Variants in GLRA2 observed in about 807,000 individuals in gnomAD.
The protein encoded by GLRA2 is glycine receptor subunit alpha-2.
A neutral mutation model predicts 31.6 loss-of-function variants in GLRA2; 11 were observed. That is an observed-to-expected ratio of 0.35 (90% CI 0.22 to 0.58). GLRA2 has a LOEUF of 0.58. Among genes scored for constraint, GLRA2 ranks in the 20% least tolerant of loss-of-function variants. The probability of loss-of-function intolerance (pLI) is 0.84; values close to 1 mark genes in which losing one functional copy is unlikely to be tolerated. For missense variants in GLRA2, 212 were observed against 351.8 expected, an observed-to-expected ratio of 0.60 and a Z score of 3.18; for synonymous variants, 132 against 134.0, an observed-to-expected ratio of 0.99 and a Z score of 0.10.
the GLRA2 span, among the ~76,000 whole-genome samples, chrX:14,476,332 G>A: frequency 1.8e-5 from 2 of 111,895 alleles, no homozygotes; most frequent in East Asian, 5.6e-4. Flanking sequence ...CTCAGACTTA[G>A]CTTGCATTGT....
chrX:14,697,868 A>G (rs754057900), intron 8 of GLRA2, among the ~76,000 whole-genome samples: 28 of 112,153 alleles, frequency 2.5e-4, no homozygotes, highest in African/African-American at 8.7e-4. Flanking sequence ...TTTTTGTATG[A>G]TATAAATCCG....
chrX:14,492,398 G>A, the GLRA2 span, among the ~76,000 whole-genome samples: 8 of 111,101 alleles, frequency 7.2e-5, no homozygotes, highest in Non-Finnish European at 1.3e-4. Flanking sequence ...AGAACTTCTG[G>A]CTGACATGAA....
intron 2 of GLRA2, among the ~76,000 whole-genome samples, chrX:14,562,245 A>G (rs1470561863): frequency 1.8e-5 from 2 of 112,380 alleles, no homozygotes; most frequent in South Asian, 3.7e-4. Flanking sequence ...AAAACAGTCA[A>G]AAGTTTACAG....
At chrX:14,513,978 G>A in the GLRA2 span, among the ~76,000 whole-genome samples, 1 of 112,243 alleles carries the variant, frequency 8.9e-6, no homozygotes, top group Non-Finnish European at 1.9e-5. Flanking sequence ...CATGTTTATA[G>A]CAGCACAATT....
At chrX:14,629,689 G>A (rs750143818) in intron 7 of GLRA2, among the ~76,000 whole-genome samples, 17 of 111,316 alleles carry the variant, frequency 1.5e-4, no homozygotes, top group African/African-American at 5.5e-4. Flanking sequence ...CCTTCTTTTG[G>A]ATATCGTATT....
intron 6 of GLRA2, among the ~76,000 whole-genome samples, chrX:14,608,528 A>G (rs945878021): frequency 2.7e-5 from 3 of 111,156 alleles, no homozygotes; most frequent in African/African-American, 6.5e-5. Flanking sequence ...GGCTTCAACT[A>G]TTACACAGTG....
At chrX:14,631,887 C>CATATGT (rs2090651367) in intron 7 of GLRA2, among the ~76,000 whole-genome samples, 1 of 855 alleles carries the variant, frequency 1.2e-3, no homozygotes, top group African/African-American at 4.0e-3. Context: ...TATAGACATA[C>CATATGT]ATATGTATAT....
At chrX:14,506,172 A>AT in the GLRA2 span, among the ~76,000 whole-genome samples, 1 of 111,188 alleles carries the variant, frequency 9.0e-6, no homozygotes, top group Non-Finnish European at 1.9e-5. Context: ...TGGGTAATGG[A>AT]TTTTTTCTTG....
At chrX:14,534,924 T>C (rs2089302652) in intron 2 of GLRA2, among the ~76,000 whole-genome samples, 1 of 111,006 alleles carries the variant, frequency 9.0e-6, no homozygotes, top group African/African-American at 3.3e-5. Context: ...AACACTATAA[T>C]ACTTACCATA....
At chrX:14,728,182 A>G (rs1489966087) in intron 8 of GLRA2, among the ~76,000 whole-genome samples, 1 of 111,030 alleles carries the variant, frequency 9.0e-6, no homozygotes, top group Non-Finnish European at 1.9e-5. Context: ...TGAGCCCAGG[A>G]GTTCAAGACC....
intron 7 of GLRA2, among the ~76,000 whole-genome samples, chrX:14,671,632 A>C (rs1175576855): frequency 8.9e-6 from 1 of 111,905 alleles, no homozygotes; most frequent in Non-Finnish European, 1.9e-5. Flanking sequence ...CCTTGCATGC[A>C]TGTCAAGAAA....
chrX:14,700,136 G>A (rs2091517880), intron 8 of GLRA2, among the ~76,000 whole-genome samples: 1 of 111,775 alleles, frequency 8.9e-6, no homozygotes, highest in African/African-American at 3.3e-5. Flanking sequence ...GAGAGATGGA[G>A]GTAGCGATGT....
At chrX:14,535,507 C>G (rs1252667580) in intron 2 of GLRA2, among the ~76,000 whole-genome samples, 1 of 112,305 alleles carries the variant, frequency 8.9e-6, no homozygotes, top group Non-Finnish European at 1.9e-5. Flanking sequence ...AATAGCTTTT[C>G]TGATGTGTTG....
At chrX:14,515,414 T>G in the GLRA2 span, among the ~76,000 whole-genome samples, 8 of 112,112 alleles carry the variant, frequency 7.1e-5, no homozygotes, top group Non-Finnish European at 3.8e-5. Flanking sequence ...CCAGTTTTTT[T>G]AAATCAATTT....
rs972143884 is a variant in GLRA2 at position 14,730,714 on chromosome X, C to T, written c.*229C>T. ...GCAGAATCACGGGAGCATAATAATT[C>T]CCTTCCATAATCTTTAGCATTGTTC... On this transcript the variant is annotated 3_prime_UTR_variant, in exon 9 of 9. Coordinates refer to ENST00000218075, the MANE Select transcript of GLRA2 (RefSeq NM_002063.4). 1.0e-4 allele frequency: 39 copies of T among 383,923 alleles called. No homozygotes were observed. The highest frequency in any genetic ancestry group is 9.2e-4 in the African/African-American group (36 of 39,155). The allele number at this position is 383,923 out of a possible 1,213,427, so 31.6% of individuals were successfully genotyped here.
the GLRA2 span, among the ~76,000 whole-genome samples, chrX:14,465,801 A>G: frequency 8.9e-6 from 1 of 111,998 alleles, no homozygotes; most frequent in African/African-American, 3.2e-5. Context: ...CTTGATCACA[A>G]TAAGTAGGAA....
the GLRA2 span, among the ~76,000 whole-genome samples, chrX:14,473,725 C>T: frequency 8.9e-6 from 1 of 112,294 alleles, no homozygotes; most frequent in African/African-American, 3.2e-5. Flanking sequence ...GGCTTCATTT[C>T]TGTACACAGT....
intron 4 of GLRA2, among the ~76,000 whole-genome samples, chrX:14,591,052 A>G (rs1229505982): frequency 8.9e-6 from 1 of 111,797 alleles, no homozygotes; most frequent in Non-Finnish European, 1.9e-5. Flanking sequence ...CGTTGTATGT[A>G]TGACAGACTC....
the GLRA2 span, among the ~76,000 whole-genome samples, chrX:14,463,846 C>T: frequency 8.9e-6 from 1 of 111,787 alleles, no homozygotes; most frequent in Non-Finnish European, 1.9e-5. Flanking sequence ...AATGCCCTGC[C>T]CTGCTTCGGC....
Sources: allele counts gnomAD v4.1 joint callset (sites outside exome capture counted in the v4.1 genomes callset), GRCh38; gene constraint gnomAD v4.1.1; transcripts MANE v1.5; gene names NCBI Gene and HGNC (gene_info 2026-07-23, HGNC 2026-07-21).